Variants in SUPT3H observed in about 807,000 individuals in gnomAD.
SUPT3H encodes transcription initiation protein SPT3 homolog.
Under a neutral mutation model 44.3 loss-of-function variants are expected in SUPT3H, and 44 were observed. The ratio of observed to expected loss-of-function variants is 0.99; its 90% CI spans 0.78 to 1.28. The LOEUF is 1.28. Ranked by LOEUF, SUPT3H falls within the 50% of genes most tolerant of loss-of-function variation. The probability of loss-of-function intolerance (pLI) is 0.00; values close to 1 mark genes in which losing one functional copy is unlikely to be tolerated. For synonymous variants in SUPT3H, 124 were observed against 125.6 expected (o/e 0.99, Z 0.09); for missense variants, 380 against 387.1 (o/e 0.98, Z 0.15).
intron 7 of SUPT3H, among the ~76,000 whole-genome samples, chr6:44,958,917 C>A (rs540001609): frequency 1.3e-5 from 2 of 149,538 alleles, no homozygotes; most frequent in South Asian, 4.3e-4. Context: ...CCCTGTCCCC[C>A]AGGCTGATAG....
intron 5 of SUPT3H, among the ~76,000 whole-genome samples, chr6:45,007,538 A>G (rs1782880443): frequency 1.3e-5 from 2 of 152,194 alleles, no homozygotes; most frequent in South Asian, 4.2e-4. Flanking sequence ...TTGACAAAAA[A>G]TCATTTAGTT....
At chr6:45,311,205 C>A (rs761906491) in intron 2 of SUPT3H, among the ~76,000 whole-genome samples, 3 of 152,128 alleles carry the variant, frequency 2.0e-5, no homozygotes, top group Non-Finnish European at 2.9e-5. Context: ...GGTCTTCGAA[C>A]TAACCCAATC....
intron 2 of SUPT3H, among the ~76,000 whole-genome samples, chr6:45,205,106 T>A (rs1168392270): frequency 6.6e-6 from 1 of 152,200 alleles, no homozygotes; most frequent in East Asian, 1.9e-4. Context: ...TTCCCATCTC[T>A]GACTTTTGAA....
At position 45,117,697 on chromosome 6, in the gene SUPT3H, T is replaced by TA. The variant is rs548058984; in HGVS notation, c.102-11692dup. On this transcript the variant is annotated intron_variant, in intron 2 of 10. Coordinates refer to ENST00000371459, the MANE Select transcript of SUPT3H (RefSeq NM_003599.4). ...TCAGAATATGAATAAAACTATAAAT[T>TA]AAAAAATATGGAAATAATGCAACTT... Among the ~76,000 whole-genome samples the TA allele has an allele frequency of 2.6e-3, 390 of 152,184 alleles. 3 individuals are homozygous for TA. Among genetic ancestry groups the TA allele is most frequent in the African/African-American group, 8.6e-3 (356 of 41,532 alleles).
rs193172693 is a variant in SUPT3H at position 45,114,651 on chromosome 6, C to T, written c.102-8645G>A. On this transcript the variant is annotated intron_variant, in intron 2 of 10. Coordinates refer to ENST00000371459, the MANE Select transcript of SUPT3H (RefSeq NM_003599.4). ...GAATATCTTTATGAATTTCTTCTAACAATTTACAGGGCATTTTTCCTCATA... is the reference window on the plus strand; with the variant it reads ...GAATATCTTTATGAATTTCTTCTAATAATTTACAGGGCATTTTTCCTCATA... Among the ~76,000 whole-genome samples, 3 of 152,246 alleles carry T rather than the reference C, an allele frequency of 2.0e-5. No individual in the cohort carries two copies. In the East Asian group the frequency reaches 5.8e-4, roughly 29 times the overall value.
At chr6:44,999,044 TTCAA>T (rs1781654527) in intron 6 of SUPT3H, among the ~76,000 whole-genome samples, 1 of 152,048 alleles carries the variant, frequency 6.6e-6, no homozygotes, top group Non-Finnish European at 1.5e-5. Context: ...CTTTTTAATT[TTCAA>T]TCAGTCAAGG....
intron 3 of SUPT3H, among the ~76,000 whole-genome samples, chr6:45,093,069 G>A (rs1272951293): frequency 6.6e-6 from 1 of 151,878 alleles, no homozygotes; most frequent in Non-Finnish European, 1.5e-5. Context: ...ACACAATGTA[G>A]TAAAATAACA....
At chr6:44,922,573 C>T (rs1417926216) in intron 10 of SUPT3H, among the ~76,000 whole-genome samples, 1 of 152,078 alleles carries the variant, frequency 6.6e-6, no homozygotes, top group Non-Finnish European at 1.5e-5. Context: ...TATACAAATG[C>T]TTCACTTAAA....
intron 10 of SUPT3H, among the ~76,000 whole-genome samples, chr6:44,857,482 T>G (rs531972848): frequency 3.3e-5 from 5 of 152,360 alleles, no homozygotes; most frequent in Admixed American, 6.5e-5. Flanking sequence ...TTTTAATGTC[T>G]ATGTTTAGCT....
Position 45,328,453 on chromosome 6 carries a change from CAG to C in SUPT3H, c.101+36746_101+36747del, listed in dbSNP as rs771239088. 7 of 1,466,512 alleles carry C rather than the reference CAG, an allele frequency of 4.8e-6. No individual in the cohort carries two copies. In the Admixed American group the frequency reaches 5.4e-5, roughly 11 times the overall value. The allele number at this position is 1,466,512 out of a possible 1,614,324, so 90.8% of individuals were successfully genotyped here. On this transcript the variant is annotated intron_variant, in intron 2 of 10. Coordinates refer to ENST00000371459, the MANE Select transcript of SUPT3H (RefSeq NM_003599.4). ...GGTCACTACCAGCCACCGAGACCAA[CAG>C]AGTCAGTGAGTGCTCTCTAACCACA... is the stretch of plus-strand genomic sequence containing the variant.
chr6:45,154,292 G>A (rs1333922226), intron 2 of SUPT3H, among the ~76,000 whole-genome samples: 2 of 152,026 alleles, frequency 1.3e-5, no homozygotes, highest in African/African-American at 4.8e-5. Flanking sequence ...GGAGGATGAT[G>A]CTTAGTCAAT....
intron 2 of SUPT3H, among the ~76,000 whole-genome samples, chr6:45,306,936 C>G (rs1326250004): frequency 6.6e-6 from 1 of 152,238 alleles, no homozygotes; most frequent in African/African-American, 2.4e-5. Flanking sequence ...CTGCGCTTTT[C>G]CAATGATCTT....
intron 2 of SUPT3H, among the ~76,000 whole-genome samples, chr6:45,280,301 A>G (rs1263439435): frequency 6.6e-6 from 1 of 152,122 alleles, no homozygotes; most frequent in Non-Finnish European, 1.5e-5. Flanking sequence ...TAGGATTTTG[A>G]GACCAGCCTG....
At chr6:44,902,931 C>G (rs910332776) in intron 10 of SUPT3H, among the ~76,000 whole-genome samples, 1 of 152,192 alleles carries the variant, frequency 6.6e-6, no homozygotes, top group Non-Finnish European at 1.5e-5. Flanking sequence ...TGAATGACTA[C>G]TGGGTACATC....
intron 4 of SUPT3H, among the ~76,000 whole-genome samples, chr6:45,017,666 C>T (rs1252837953): frequency 9.4e-5 from 14 of 148,332 alleles, no homozygotes; most frequent in South Asian, 4.4e-4. Flanking sequence ...AGATATGCAG[C>T]GTTATTTCTG....
intron 2 of SUPT3H, among the ~76,000 whole-genome samples, chr6:45,165,879 T>C (rs754923427): frequency 1.8e-4 from 27 of 152,090 alleles, no homozygotes; most frequent in Non-Finnish European, 3.4e-4. Context: ...TGATCTAACA[T>C]AGGTAAAACT....
chr6:44,952,372 T>A (rs1774440124), intron 9 of SUPT3H, among the ~76,000 whole-genome samples: 1 of 152,218 alleles, frequency 6.6e-6, no homozygotes, highest in Admixed American at 6.5e-5. Flanking sequence ...AAGGGGTGTG[T>A]GACCTAAAGA....
chr6:45,066,632 A>ACC (rs2153547770), intron 3 of SUPT3H, among the ~76,000 whole-genome samples: 1 of 103,476 alleles, frequency 9.7e-6, no homozygotes, highest in African/African-American at 3.9e-5. Context: ...TACAAAATCA[A>ACC]TGTACAAAAA....
At chr6:45,178,611 C>T (rs1812485191) in intron 2 of SUPT3H, among the ~76,000 whole-genome samples, 1 of 152,024 alleles carries the variant, frequency 6.6e-6, no homozygotes, top group African/African-American at 2.4e-5. Context: ...ACAGAATATA[C>T]ATTTTTTTCA....
Sources: allele counts gnomAD v4.1 joint callset (sites outside exome capture counted in the v4.1 genomes callset), GRCh38; gene constraint gnomAD v4.1.1; transcripts MANE v1.5; gene names NCBI Gene and HGNC (gene_info 2026-07-23, HGNC 2026-07-21).